ARHGAP6: variants seen among roughly 807,000 people sequenced by gnomAD.
ARHGAP6 encodes the protein Rho GTPase activating protein 6.
Under a neutral mutation model 55.7 loss-of-function variants are expected in ARHGAP6, and 16 were observed. The observed-to-expected ratio is 0.29, with a 90% confidence interval of 0.19 to 0.44. The LOEUF (loss-of-function observed/expected upper bound fraction) is 0.44, where lower values mean the gene tolerates loss of function less well. Among genes scored for constraint, ARHGAP6 ranks in the 20% least tolerant of loss-of-function variants. The pLI is 1.00. For synonymous variants in ARHGAP6, 382 were observed against 360.9 expected, an observed-to-expected ratio of 1.06 and a Z score of -0.66; for missense variants, 698 against 808.9, an observed-to-expected ratio of 0.86 and a Z score of 1.66.
intron 2 of ARHGAP6, among the ~76,000 whole-genome samples, chrX:11,226,976 A>G (rs1417023625): frequency 8.9e-6 from 1 of 112,328 alleles, no homozygotes; most frequent in Admixed American, 9.4e-5. Context: ...GCTAATCGTT[A>G]TTGGACAATG....
chrX:11,384,466 A>T lies in ARHGAP6; in HGVS notation c.589-129759T>A, dbSNP rs1465086984. 5.3e-5 allele frequency among the ~76,000 whole-genome samples: 6 copies of T among 112,368 alleles called. No homozygotes were observed. In the Admixed American group the frequency reaches 5.7e-4, roughly 11 times the overall value. Reference sequence around the variant, plus strand: ...CATGAGAACACATATACTCAAAAACAACAAATAACATAATCTGCTCAAGAA... The same window carrying T: ...CATGAGAACACATATACTCAAAAACTACAAATAACATAATCTGCTCAAGAA... On this transcript the variant is annotated intron_variant, in intron 1 of 12. Transcript: ENST00000337414.
At chrX:11,559,509 A>G (rs2051360754) in intron 1 of ARHGAP6, among the ~76,000 whole-genome samples, 1 of 111,682 alleles carries the variant, frequency 9.0e-6, no homozygotes, top group African/African-American at 3.3e-5. Flanking sequence ...ATCTATGTCA[A>G]TCATTGGCCC....
At chrX:11,569,142 G>A (rs1431951997) in intron 1 of ARHGAP6, among the ~76,000 whole-genome samples, 3 of 111,582 alleles carry the variant, frequency 2.7e-5, no homozygotes, top group East Asian at 5.6e-4. Context: ...GCAGACAATC[G>A]TGACTTCTAG....
chrX:11,514,479 G>A (rs1217703376), intron 1 of ARHGAP6, among the ~76,000 whole-genome samples: 3 of 109,698 alleles, frequency 2.7e-5, no homozygotes, highest in East Asian at 2.9e-4. Flanking sequence ...ATCCCTGGCC[G>A]TGGCATCAGC....
At chrX:11,489,327 C>T (rs1184644167) in intron 1 of ARHGAP6, among the ~76,000 whole-genome samples, 1 of 111,507 alleles carries the variant, frequency 9.0e-6, no homozygotes, top group Non-Finnish European at 1.9e-5. Context: ...AAAGCACTAA[C>T]CAAGGTGAAC....
intron 1 of ARHGAP6, among the ~76,000 whole-genome samples, chrX:11,545,359 T>G (rs761686661): frequency 8.9e-6 from 1 of 112,474 alleles, no homozygotes; most frequent in Non-Finnish European, 1.9e-5. Flanking sequence ...TCAATAACCT[T>G]GAAATCTAAA....
chrX:11,373,942 G>T (rs960397237), intron 1 of ARHGAP6, among the ~76,000 whole-genome samples: 1 of 112,046 alleles, frequency 8.9e-6, no homozygotes, highest in Admixed American at 9.5e-5. Flanking sequence ...TAATATTTCA[G>T]TGAGGAGGCA....
chrX:11,347,342 A>C (rs2048802427), intron 1 of ARHGAP6, among the ~76,000 whole-genome samples: 1 of 112,170 alleles, frequency 8.9e-6, no homozygotes, highest in African/African-American at 3.2e-5. Flanking sequence ...TGTTTGGGGA[A>C]ATTTTAAGAA....
intron 1 of ARHGAP6, among the ~76,000 whole-genome samples, chrX:11,326,773 A>G (rs1474907453): frequency 8.9e-6 from 1 of 112,599 alleles, no homozygotes; most frequent in Non-Finnish European, 1.9e-5. Context: ...ATGATGGCAC[A>G]GTAATATGAT....
At chrX:11,521,281 T>G (rs1240609541) in intron 1 of ARHGAP6, among the ~76,000 whole-genome samples, 2 of 112,257 alleles carry the variant, frequency 1.8e-5, no homozygotes, top group Non-Finnish European at 3.8e-5. Flanking sequence ...CTAGGGTTTT[T>G]ATGGTTTTAG....
chrX:11,505,428 G>A (rs747188223), intron 1 of ARHGAP6, among the ~76,000 whole-genome samples: 16 of 111,365 alleles, frequency 1.4e-4, no homozygotes, highest in African/African-American at 3.3e-4. Context: ...TGGAGAAAAA[G>A]GAATGCTTAT....
chrX:11,318,928 A>G (rs942280212), intron 1 of ARHGAP6, among the ~76,000 whole-genome samples: 1 of 112,166 alleles, frequency 8.9e-6, no homozygotes, highest in African/African-American at 3.2e-5. Flanking sequence ...GAAACCACCC[A>G]GGTGGCAGAC....
intron 1 of ARHGAP6, chrX:11,293,441 C>T (rs890268618): frequency 2.7e-5 from 3 of 112,280 alleles, no homozygotes; most frequent in Non-Finnish European, 5.6e-5. Flanking sequence ...GAGTTTCAAA[C>T]AGAAACTTGC....
intron 1 of ARHGAP6, among the ~76,000 whole-genome samples, chrX:11,310,545 A>G (rs1372021876): frequency 8.9e-6 from 1 of 112,033 alleles, no homozygotes; most frequent in East Asian, 2.8e-4. Flanking sequence ...TACAACATGG[A>G]TGAACCCTGG....
At chrX:11,429,369 C>T (rs2049920538) in intron 1 of ARHGAP6, among the ~76,000 whole-genome samples, 1 of 111,895 alleles carries the variant, frequency 8.9e-6, no homozygotes, top group Non-Finnish European at 1.9e-5. Context: ...AGGGAACCTT[C>T]TAGGGTGCTG....
At position 11,664,937 on chromosome X, in the gene ARHGAP6, C is replaced by T; in HGVS notation, c.-109G>A. The T allele has an allele frequency of 1.2e-6, 1 of 833,762 alleles. No homozygotes were observed. Among genetic ancestry groups the T allele is most frequent in the Non-Finnish European group, 1.6e-6 (1 of 606,290 alleles). 68.7% of individuals were successfully genotyped at this position (833,762 alleles called of 1,213,427 possible). ...GGCAAAGGTGCCAGGCGGGGCTGGC[C>T]CGGGGTTTGCCCAGGGCAGTGGAGA... On this transcript the variant is annotated 5_prime_UTR_variant, in exon 1 of 13. Transcript: ENST00000337414.
chrX:11,266,972 T>C (rs994376317), intron 1 of ARHGAP6, among the ~76,000 whole-genome samples: 9 of 111,689 alleles, frequency 8.1e-5, no homozygotes, highest in Non-Finnish European at 1.5e-4. Context: ...CAGGTGGTTT[T>C]CTTTACTAGA....
At chrX:11,301,197 T>A (rs2048170902) in intron 1 of ARHGAP6, among the ~76,000 whole-genome samples, 1 of 111,717 alleles carries the variant, frequency 9.0e-6, no homozygotes, top group Non-Finnish European at 1.9e-5. Flanking sequence ...AAAAGATTTT[T>A]AAATGAAATT....
At chrX:11,331,538 G>A (rs2048563241) in intron 1 of ARHGAP6, among the ~76,000 whole-genome samples, 1 of 111,708 alleles carries the variant, frequency 9.0e-6, no homozygotes, top group African/African-American at 3.3e-5. Context: ...CAAAGGGGAA[G>A]TTTCTTCTTG....
Sources: allele counts gnomAD v4.1 joint callset (sites outside exome capture counted in the v4.1 genomes callset), GRCh38; gene constraint gnomAD v4.1.1; transcripts MANE v1.5; gene names NCBI Gene and HGNC (gene_info 2026-07-23, HGNC 2026-07-21).